The following NEXN variants were observed in gnomAD, a reference collection of about 807,000 sequenced individuals.
The protein encoded by NEXN is nexilin.
NEXN carries 65 observed loss-of-function variants against 92.6 expected under a neutral mutation model. The observed-to-expected ratio is 0.70, with a 90% confidence interval of 0.57 to 0.86. NEXN has a LOEUF of 0.86. Ranked by LOEUF, NEXN falls within the 40% of genes least tolerant of loss-of-function variation. NEXN has a pLI of 0.00. For synonymous variants in NEXN, 254 were observed against 242.5 expected (o/e 1.05, Z -0.44); for missense variants, 778 against 771.1 (o/e 1.01, Z -0.11).
intron 1 of NEXN, among the ~76,000 whole-genome samples, chr1:77,914,695 A>G (rs1380997940): frequency 6.6e-6 from 1 of 151,922 alleles, no homozygotes; most frequent in Non-Finnish European, 1.5e-5. Flanking sequence ...CATCTCTACT[A>G]AAAATACAAA....
chr1:77,922,750 C>T (rs1051124842), intron 5 of NEXN, among the ~76,000 whole-genome samples: 4 of 151,776 alleles, frequency 2.6e-5, no homozygotes, highest in Non-Finnish European at 4.4e-5. Flanking sequence ...CACCTGCCAC[C>T]ACGCCCGGCT....
chr1:77,918,295 G>T (rs140215288), intron 5 of NEXN, 22 bp downstream of exon 5: 19 of 1,612,722 alleles, frequency 1.2e-5, no homozygotes, highest in South Asian at 2.2e-5. Context: ...GATTAAGTTC[G>T]TATTTGTTTC....
chr1:77,920,107 G>T (rs1042676929), intron 5 of NEXN, among the ~76,000 whole-genome samples: 2 of 151,976 alleles, frequency 1.3e-5, no homozygotes, highest in Non-Finnish European at 2.9e-5. Flanking sequence ...CACCATGTTG[G>T]CCAGGCTGGT....
chr1:77,889,973 AT>A (rs1290269122), intron 1 of NEXN, among the ~76,000 whole-genome samples: 1 of 152,132 alleles, frequency 6.6e-6, no homozygotes, highest in East Asian at 1.9e-4. Context: ...GGACCACATA[AT>A]TTCCCCCGCT....
intron 11 of NEXN, among the ~76,000 whole-genome samples, chr1:77,936,506 C>G (rs1039988908): frequency 6.6e-6 from 1 of 152,188 alleles, no homozygotes; most frequent in Admixed American, 6.5e-5. Context: ...TCAAGTTAAA[C>G]TCCAGATTAT....
At chr1:77,902,400 G>T (rs1647793817) in intron 1 of NEXN, among the ~76,000 whole-genome samples, 1 of 151,970 alleles carries the variant, frequency 6.6e-6, no homozygotes, top group African/African-American at 2.4e-5. Context: ...AATTTTCTTT[G>T]AGTGGTTAAA....
At position 77,933,301 on chromosome 1, in the gene NEXN, C is replaced by T. The variant is rs755252743; in HGVS notation, c.1073C>T (p.Pro358Leu). The change falls in exon 10 of 13, where the codon CCA (proline) becomes CTA (leucine). Residue 358 changes from proline to leucine, a missense_variant. By Grantham distance (98) the Pro-to-Leu change is moderately conservative. Around this residue, in one of 3 missense-constraint regions of NEXN, gnomAD observed 532 missense variants for 476.7 expected, o/e 1.12. Transcript: ENST00000334785. ...RRNMVVDDDSPEMYKTISQEF... is the reference protein window; with the variant it reads ...RRNMVVDDDSLEMYKTISQEF... Reference sequence around the variant, plus strand: ...AAATAGGTAGTAGATGATGACTCCCCAGAGATGTATAAGACAATCTCTCAA... The same window carrying T: ...AAATAGGTAGTAGATGATGACTCCCTAGAGATGTATAAGACAATCTCTCAA... The T allele has an allele frequency of 6.9e-6, 11 of 1,598,724 alleles. No individual in the cohort carries two copies. The highest frequency in any genetic ancestry group is 9.4e-6 in the Non-Finnish European group (11 of 1,167,512).
chr1:77,931,781 T>C (rs1397487207), intron 9 of NEXN: 1 of 152,192 alleles, frequency 6.6e-6, no homozygotes, highest in African/African-American at 2.4e-5. Flanking sequence ...GTTTCTGAGT[T>C]GAAATAGTTC....
At position 77,905,188 on chromosome 1, in the gene NEXN, G is replaced by A. The variant is rs553353917; in HGVS notation, c.-52-10867G>A. On this transcript the variant is annotated intron_variant, in intron 1 of 12. Coordinates refer to ENST00000334785, the MANE Select transcript of NEXN (RefSeq NM_144573.4). Reference sequence around the variant, plus strand: ...GAGGCAGGAGAATCGCTTGAACCCGGGAGGCAGAGGTTGCAGTGAGCAGAG... The same window carrying A: ...GAGGCAGGAGAATCGCTTGAACCCGAGAGGCAGAGGTTGCAGTGAGCAGAG... Among the ~76,000 whole-genome samples, 78 of 151,614 alleles carry A rather than the reference G, an allele frequency of 5.1e-4. 2 individuals are homozygous for A. Among genetic ancestry groups the A allele is most frequent in the South Asian group, 3.4e-3 (16 of 4,774 alleles).
intron 2 of NEXN, 67 bp from the exon 3 acceptor site, chr1:77,917,495 TTATC>T (rs1010735153): frequency 1.8e-6 from 2 of 1,087,868 alleles, no homozygotes; most frequent in South Asian, 1.4e-5. Flanking sequence ...TTGCTTATTC[TTATC>T]TATCTTTACC....
In NEXN at chr1:77,943,862, G is replaced by A. The variant is rs139483106; in HGVS notation, c.*1033G>A. On this transcript the variant is annotated 3_prime_UTR_variant, in exon 13 of 13. Coordinates refer to ENST00000334785, the MANE Select transcript of NEXN (RefSeq NM_144573.4). ...CTGGAAGACAATTTTATTTTACAAC[G>A]TGAACCCAAATAAAGTAACTTCTGT... 3.9e-5 allele frequency: 6 copies of A among 155,090 alleles called. No homozygotes were observed. The highest frequency in any genetic ancestry group is 3.5e-4 in the East Asian group (2 of 5,704). 9.6% of individuals were successfully genotyped at this position (155,090 alleles called of 1,614,324 possible). A position where few individuals can be genotyped will look rare whatever the true frequency, so the allele number is the denominator to read the frequency against.
At chr1:77,909,700 C>T (rs1158983336) in intron 1 of NEXN, among the ~76,000 whole-genome samples, 2 of 152,096 alleles carry the variant, frequency 1.3e-5, no homozygotes, top group Non-Finnish European at 2.9e-5. Context: ...ATGTCCCATC[C>T]TCTCCCCCAT....
At chr1:77,900,190 G>A (rs1009130045) in intron 1 of NEXN, among the ~76,000 whole-genome samples, 2 of 152,112 alleles carry the variant, frequency 1.3e-5, no homozygotes, top group Non-Finnish European at 2.9e-5. Flanking sequence ...GGGTCACCAG[G>A]CATTGGTATT....
chr1:77,929,957 C>T (rs1650161088), intron 9 of NEXN, among the ~76,000 whole-genome samples: 1 of 152,112 alleles, frequency 6.6e-6, no homozygotes, highest in Non-Finnish European at 1.5e-5. Flanking sequence ...TGACCTGAGT[C>T]ATTTAATCAG....
intron 1 of NEXN, among the ~76,000 whole-genome samples, chr1:77,914,586 C>T (rs1179344220): frequency 6.6e-6 from 1 of 152,058 alleles, no homozygotes; most frequent in South Asian, 2.1e-4. Flanking sequence ...AGGCCTGGCA[C>T]GGTGGCTCAC....
At position 77,942,675 on chromosome 1, in the gene NEXN, G is replaced by T. The variant is rs1571175624; in HGVS notation, c.1874G>T (p.Gly625Val). Residue 625 changes from glycine (G) to valine (V), a missense_variant, in exon 13 of 13, where the codon GGA becomes GTA. Coordinates refer to ENST00000334785, the MANE Select transcript of NEXN (RefSeq NM_144573.4). ...WWFEGEILQD[G>V]EDYQYIERGE... ...TTTGAAGGAGAAATACTGCAGGATG[G>T]AGAAGACTATCAATATATTGAAAGG... 6.2e-7 allele frequency: 1 copy of T among 1,613,724 alleles called. No individual in the cohort carries two copies. Among genetic ancestry groups the T allele is most frequent in the East Asian group, 2.2e-5 (1 of 44,868 alleles).
At chr1:77,897,634 A>T (rs1248718158) in intron 1 of NEXN, among the ~76,000 whole-genome samples, 4 of 152,222 alleles carry the variant, frequency 2.6e-5, no homozygotes, top group African/African-American at 9.6e-5. Context: ...ACTCCTATTC[A>T]ACATAGTGTT....
chr1:77,901,634 CT>C (rs1438124529), intron 1 of NEXN, among the ~76,000 whole-genome samples: 1 of 152,118 alleles, frequency 6.6e-6, no homozygotes, highest in African/African-American at 2.4e-5. Context: ...GTGGCTGCCC[CT>C]TTAAGGTGGC....
At chr1:77,894,418 A>G (rs898553274) in intron 1 of NEXN, among the ~76,000 whole-genome samples, 5 of 151,972 alleles carry the variant, frequency 3.3e-5, no homozygotes, top group Non-Finnish European at 7.4e-5. Flanking sequence ...TTTTTTGGAC[A>G]TTTTATAGTA....
Sources: allele counts gnomAD v4.1 joint callset (sites outside exome capture counted in the v4.1 genomes callset), GRCh38; gene constraint gnomAD v4.1.1; regional missense constraint gnomAD v4.1.1; transcripts MANE v1.5; gene names NCBI Gene and HGNC (gene_info 2026-07-23, HGNC 2026-07-21).